Variants in FHIT observed in about 807,000 individuals in gnomAD.
FHIT encodes bis(5'-adenosyl)-triphosphatase.
FHIT carries 19 observed loss-of-function variants against 17.9 expected under a neutral mutation model. That is an observed-to-expected ratio of 1.06 (90% CI 0.74 to 1.56). The LOEUF is 1.56. FHIT is among the 40% of genes most tolerant of loss of function. FHIT has a pLI of 0.00. For missense variants in FHIT, 248 were observed against 189.2 expected (o/e 1.31, Z -1.82); for synonymous variants, 81 against 69.7 (o/e 1.16, Z -0.81).
At chr3:61,201,163 A>G (rs916015878) in intron 1 of FHIT, among the ~76,000 whole-genome samples, 1 of 152,206 alleles carries the variant, frequency 6.6e-6, no homozygotes, top group African/African-American at 2.4e-5. Context: ...ATATGTGTGC[A>G]TGATTACAGG....
intron 5 of FHIT, among the ~76,000 whole-genome samples, chr3:60,222,975 T>C (rs967963659): frequency 6.6e-6 from 1 of 152,032 alleles, no homozygotes; most frequent in African/African-American, 2.4e-5. Context: ...GGATAAAGAG[T>C]TTGCTAGGAC....
intron 5 of FHIT, among the ~76,000 whole-genome samples, chr3:60,441,410 T>C (rs1034216331): frequency 6.6e-6 from 1 of 152,032 alleles, no homozygotes; most frequent in African/African-American, 2.4e-5. Flanking sequence ...AACAATGAAG[T>C]AGCTCACTGA....
At chr3:60,308,469 C>T (rs1001118689) in intron 5 of FHIT, among the ~76,000 whole-genome samples, 8 of 137,516 alleles carry the variant, frequency 5.8e-5, no homozygotes, top group South Asian at 2.5e-4. Flanking sequence ...CCAAATTGCA[C>T]GTATAGGTAT....
At chr3:60,270,572 G>A (rs577944021) in intron 5 of FHIT, among the ~76,000 whole-genome samples, 2 of 152,276 alleles carry the variant, frequency 1.3e-5, no homozygotes, top group African/African-American at 4.8e-5. Flanking sequence ...GCAGAAGATT[G>A]AAATCTGTAA....
chr3:60,530,507 T>C (rs1001918028), intron 5 of FHIT, among the ~76,000 whole-genome samples: 1 of 152,132 alleles, frequency 6.6e-6, no homozygotes, highest in Admixed American at 6.6e-5. Flanking sequence ...AATAAAGATG[T>C]CAGTCTCGGC....
Position 59,794,176 on chromosome 3 carries a change from C to T in FHIT, c.349-41855G>A, listed in dbSNP as rs139077383. 5.4e-3 allele frequency among the ~76,000 whole-genome samples: 825 copies of T among 152,296 alleles called. 3 individuals carry two copies. The highest frequency in any genetic ancestry group is 0.016 in the South Asian group (77 of 4,820). Reference sequence around the variant, plus strand: ...GAAATATCACACGATCTGAGAACATCTGCAATTCTCTAGAACGTACCGTTG... The same window carrying T: ...GAAATATCACACGATCTGAGAACATTTGCAATTCTCTAGAACGTACCGTTG... On this transcript the variant is annotated intron_variant, in intron 8 of 9. Transcript: ENST00000492590.
chr3:60,693,712 C>T (rs1328317987), intron 4 of FHIT, among the ~76,000 whole-genome samples: 4 of 152,220 alleles, frequency 2.6e-5, no homozygotes, highest in African/African-American at 9.6e-5. Flanking sequence ...GTCCTGCAAA[C>T]TTTCTGTACA....
At chr3:60,303,663 G>A (rs1708540157) in intron 5 of FHIT, among the ~76,000 whole-genome samples, 1 of 152,108 alleles carries the variant, frequency 6.6e-6, no homozygotes. Flanking sequence ...TTGAGATAAA[G>A]GTGCCATAAG....
At chr3:60,150,176 T>C (rs890147076) in intron 5 of FHIT, among the ~76,000 whole-genome samples, 1 of 151,918 alleles carries the variant, frequency 6.6e-6, no homozygotes, top group Non-Finnish European at 1.5e-5. Flanking sequence ...TTTGTATTTT[T>C]AGTAGAGATG....
At chr3:60,126,205 G>A (rs1445791738) in intron 5 of FHIT, among the ~76,000 whole-genome samples, 4 of 152,136 alleles carry the variant, frequency 2.6e-5, no homozygotes, top group Non-Finnish European at 4.4e-5. Context: ...CTGTGTTGCA[G>A]TACCACTCCC....
chr3:61,189,306 C>A (rs1012125222), intron 2 of FHIT, among the ~76,000 whole-genome samples: 1 of 152,026 alleles, frequency 6.6e-6, no homozygotes, highest in Non-Finnish European at 1.5e-5. Context: ...AACAGAGAGC[C>A]AAATCATGAG....
At chr3:60,293,158 C>A (rs866394360) in intron 5 of FHIT, among the ~76,000 whole-genome samples, 2 of 152,026 alleles carry the variant, frequency 1.3e-5, no homozygotes, top group Admixed American at 1.3e-4. Flanking sequence ...GTTATTATTT[C>A]TTTCCCAAGA....
At chr3:60,375,342 G>T (rs1379336195) in intron 5 of FHIT, among the ~76,000 whole-genome samples, 1 of 151,702 alleles carries the variant, frequency 6.6e-6, no homozygotes, top group East Asian at 2.0e-4. Context: ...GCTGAGGTGG[G>T]AGGATCACCT....
chr3:60,758,806 A>G lies in FHIT; in HGVS notation c.-18+63113T>C, dbSNP rs114137452. On this transcript the variant is annotated intron_variant, in intron 4 of 9. Coordinates refer to ENST00000492590, the MANE Select transcript of FHIT (RefSeq NM_002012.4). ...TCTCTTGGAGCTTACATTCTGGGGGAGAATCAGAAAATAAACAACTCAATG... is the reference window on the plus strand; with the variant it reads ...TCTCTTGGAGCTTACATTCTGGGGGGGAATCAGAAAATAAACAACTCAATG... Among the ~76,000 whole-genome samples the G allele has an allele frequency of 5.0e-3, 760 of 152,294 alleles. 7 individuals carry two copies. The highest frequency in any genetic ancestry group is 0.017 in the African/African-American group (703 of 41,550).
intron 5 of FHIT, among the ~76,000 whole-genome samples, chr3:60,119,687 T>A (rs946293243): frequency 6.6e-6 from 1 of 152,170 alleles, no homozygotes; most frequent in African/African-American, 2.4e-5. Context: ...TATACTTGCC[T>A]CCTATGGTCA....
chr3:60,871,722 C>T (rs1704425275), intron 3 of FHIT, among the ~76,000 whole-genome samples: 1 of 152,238 alleles, frequency 6.6e-6, no homozygotes, highest in African/African-American at 2.4e-5. Flanking sequence ...TAGCCTTGAC[C>T]TCCCATGCTC....
rs1166004015 is a variant in FHIT at position 61,010,713 on chromosome 3, TC to T, written c.-111+31333del. The stretch of plus-strand genomic sequence containing the variant: ...AATATTTTAAGAAATGTATTTAAAG[TC>T]CCTTCTGATATTTCTTATATCACCA... On this transcript the variant is annotated intron_variant, in intron 3 of 9. Coordinates refer to ENST00000492590, the MANE Select transcript of FHIT (RefSeq NM_002012.4). 1.2e-4 allele frequency among the ~76,000 whole-genome samples: 19 copies of T among 152,178 alleles called. 1 individual carries two copies.
At chr3:60,319,467 G>T (rs1018159206) in intron 5 of FHIT, among the ~76,000 whole-genome samples, 4 of 151,630 alleles carry the variant, frequency 2.6e-5, no homozygotes, top group Admixed American at 2.6e-4. Flanking sequence ...AAAAAACAAC[G>T]AACAGAGTAG....
intron 4 of FHIT, among the ~76,000 whole-genome samples, chr3:60,644,366 T>G (rs1293027319): frequency 6.6e-6 from 1 of 152,216 alleles, no homozygotes; most frequent in Non-Finnish European, 1.5e-5. Context: ...CGTGAAATAT[T>G]GAAAATTTGA....
Sources: gnomAD v4.1 joint callset for allele counts (sites outside exome capture counted in the v4.1 genomes callset) on GRCh38, gnomAD v4.1.1 for gene constraint, MANE v1.5 for transcripts, NCBI Gene and HGNC (gene_info 2026-07-23, HGNC 2026-07-21) for gene names.